MANBA: variants seen among roughly 807,000 people sequenced by gnomAD.
The protein encoded by MANBA is mannosidase beta.
A neutral mutation model predicts 111.1 loss-of-function variants in MANBA; 83 were observed. That is an observed-to-expected ratio of 0.75 (90% CI 0.63 to 0.90). The LOEUF (loss-of-function observed/expected upper bound fraction) is 0.90, where lower values mean the gene tolerates loss of function less well. MANBA is among the 40% of genes least tolerant of loss of function. The probability of loss-of-function intolerance (pLI) is 0.00; values close to 1 mark genes in which losing one functional copy is unlikely to be tolerated. For synonymous variants in MANBA, 370 were observed against 378.7 expected, an observed-to-expected ratio of 0.98 and a Z score of 0.27; for missense variants, 1,036 against 1,069.0, an observed-to-expected ratio of 0.97 and a Z score of 0.43.
At chr4:102,682,228 G>A (rs1732019388) in intron 7 of MANBA, among the ~76,000 whole-genome samples, 2 of 150,876 alleles carry the variant, frequency 1.3e-5, no homozygotes, top group South Asian at 4.2e-4. Flanking sequence ...ATAAAAATGT[G>A]CCAAATCTAA....
At chr4:102,664,276 T>C (rs1731102810) in intron 11 of MANBA, among the ~76,000 whole-genome samples, 1 of 152,158 alleles carries the variant, frequency 6.6e-6, no homozygotes, top group Non-Finnish European at 1.5e-5. Context: ...CAAACGATAC[T>C]GTTGAAGACA....
chr4:102,743,789 A>G (rs1459817860), intron 1 of MANBA, among the ~76,000 whole-genome samples: 1 of 152,218 alleles, frequency 6.6e-6, no homozygotes, highest in East Asian at 1.9e-4. Context: ...CCCGTAGTCA[A>G]AGGTTTGGTT....
intron 5 of MANBA, among the ~76,000 whole-genome samples, chr4:102,709,383 G>A (rs544357138): frequency 1.6e-5 from 2 of 123,472 alleles, no homozygotes; most frequent in African/African-American, 6.1e-5. Context: ...AGGAAGGAAG[G>A]AAGAAAGAAA....
At chr4:102,737,869 T>G (rs1255549025) in intron 1 of MANBA, among the ~76,000 whole-genome samples, 1 of 152,164 alleles carries the variant, frequency 6.6e-6, no homozygotes, top group African/African-American at 2.4e-5. Flanking sequence ...CATAATTCCA[T>G]TAGCCTGAGA....
intron 10 of MANBA, chr4:102,665,369 G>T: frequency 6.2e-6 from 1 of 160,968 alleles, no homozygotes; most frequent in Non-Finnish European, 1.4e-5. Context: ...AACTAGAGAA[G>T]GTTTTACAAA....
chr4:102,664,982 A>G lies in MANBA; in HGVS notation c.1318-130T>C, dbSNP rs1369652319. On this transcript the variant is annotated intron_variant, in intron 10 of 16. Transcript: ENST00000647097. The stretch of plus-strand genomic sequence containing the variant: ...TCTTATGTGCCAAAAACCTAATTTG[A>G]AAATGGCTAGTCATGTTAGCTGCAG... The G allele has an allele frequency of 4.3e-5, 29 of 682,242 alleles. 1 individual carries two copies. In the South Asian group the frequency reaches 4.3e-4, roughly 10 times the overall value. 42.3% of individuals were successfully genotyped at this position (682,242 alleles called of 1,614,324 possible). A position where few individuals can be genotyped will look rare whatever the true frequency, so the allele number is the denominator to read the frequency against.
chr4:102,737,704 G>C (rs1330115546), intron 1 of MANBA, among the ~76,000 whole-genome samples: 2 of 152,058 alleles, frequency 1.3e-5, no homozygotes, highest in Non-Finnish European at 2.9e-5. Flanking sequence ...GGATGGTCTC[G>C]ATCTCCTGAC....
intron 1 of MANBA, among the ~76,000 whole-genome samples, chr4:102,740,540 A>G (rs1723365215): frequency 6.6e-6 from 1 of 152,218 alleles, no homozygotes; most frequent in African/African-American, 2.4e-5. Context: ...ACCTGACTTC[A>G]AACTATACTA....
intron 1 of MANBA, among the ~76,000 whole-genome samples, chr4:102,731,652 C>A (rs1723037765): frequency 6.6e-6 from 1 of 152,090 alleles, no homozygotes; most frequent in African/African-American, 2.4e-5. Context: ...ACAGCCATGC[C>A]CTTTCCTTTG....
At chr4:102,728,655 G>T in intron 1 of MANBA, 1 of 545,792 alleles carries the variant, frequency 1.8e-6, no homozygotes, top group Non-Finnish European at 3.3e-6. Flanking sequence ...GCTAGGGCTG[G>T]GCCTCAGGTG....
At chr4:102,756,534 C>T (rs972985752) in intron 1 of MANBA, among the ~76,000 whole-genome samples, 3 of 151,720 alleles carry the variant, frequency 2.0e-5, no homozygotes, top group Admixed American at 1.3e-4. Flanking sequence ...ATGAGGTTAA[C>T]GGGTCAACGG....
At chr4:102,671,742 A>G (rs1731508910) in intron 8 of MANBA, among the ~76,000 whole-genome samples, 1 of 152,256 alleles carries the variant, frequency 6.6e-6, no homozygotes. Context: ...TCCAAACTAT[A>G]AAACAAAATC....
intron 5 of MANBA, among the ~76,000 whole-genome samples, chr4:102,714,040 A>C (rs1259842982): frequency 6.6e-6 from 1 of 152,142 alleles, no homozygotes; most frequent in Non-Finnish European, 1.5e-5. Flanking sequence ...TTATGAAGAA[A>C]ATGTACAGAG....
At chr4:102,728,231 T>G (rs1722885975) in intron 1 of MANBA, 1 of 537,422 alleles carries the variant, frequency 1.9e-6, no homozygotes, top group Admixed American at 1.9e-5. Flanking sequence ...CCTTTTTTCT[T>G]TGGCAGCATT....
rs1170914442 is a variant in MANBA, at chr4:102,686,721, G to GT, written c.960+2852dup. Among the ~76,000 whole-genome samples, 8 of 152,144 alleles carry GT rather than the reference G, an allele frequency of 5.3e-5. No homozygotes were observed. In the South Asian group the frequency reaches 1.0e-3, roughly 20 times the overall value. On this transcript the variant is annotated intron_variant, in intron 7 of 16. Transcript: ENST00000647097. ...TTTCTGTGACTCCCCACTCAAATTGGTTTTCCCTCCACCTCGTCAACCATT... is the reference window on the plus strand; with the variant it reads ...TTTCTGTGACTCCCCACTCAAATTGGTTTTTCCCTCCACCTCGTCAACCATT...
In MANBA at chr4:102,722,929, G is replaced by A. The variant is rs1346133360; in HGVS notation, c.491C>T (p.Pro164Leu). 1 of 1,614,050 alleles carries A rather than the reference G, an allele frequency of 6.2e-7. No individual in the cohort carries two copies. The highest frequency in any genetic ancestry group is 1.3e-5 in the African/African-American group (1 of 74,942). The change falls in exon 4 of 17, where the codon CCC becomes CTC. Residue 164 changes from proline (P) to leucine (L), a missense_variant. Physicochemically the swap from Pro to Leu is moderately conservative, Grantham distance 98 (BLOSUM62 -3). Coordinates refer to ENST00000647097, the MANE Select transcript of MANBA (RefSeq NM_005908.4). Reference sequence around the variant, plus strand: ...CTGCACAAGTGGAGGGCAGTCTGGGGGAACCTGGTAGCGAGTGTGAGCTTT... The same window carrying A: ...CTGCACAAGTGGAGGGCAGTCTGGGAGAACCTGGTAGCGAGTGTGAGCTTT... The part of the protein sequence containing the change: ...QSKAHTRYQV[P>L]PDCPPLVQKG...
At chr4:102,729,498 C>T in intron 1 of MANBA, 1 of 1,008,620 alleles carries the variant, frequency 9.9e-7, no homozygotes, top group South Asian at 1.3e-5. Flanking sequence ...CATACAGCTG[C>T]TTGAGGAAAT....
chr4:102,696,987 A>G (rs1732740365), intron 5 of MANBA, among the ~76,000 whole-genome samples: 1 of 152,096 alleles, frequency 6.6e-6, no homozygotes, highest in South Asian at 2.1e-4. Context: ...AGTTAGTTAA[A>G]ACAGCTGTTT....
At chr4:102,708,184 T>C (rs1179016839) in intron 5 of MANBA, among the ~76,000 whole-genome samples, 5 of 151,874 alleles carry the variant, frequency 3.3e-5, no homozygotes, top group African/African-American at 1.2e-4. Context: ...AAAAAATATA[T>C]TATAGCTACA....
Sources: allele counts gnomAD v4.1 joint callset (sites outside exome capture counted in the v4.1 genomes callset), GRCh38; gene constraint gnomAD v4.1.1; transcripts MANE v1.5; gene names NCBI Gene and HGNC (gene_info 2026-07-23, HGNC 2026-07-21).